Variants in PPP2R5E observed in about 807,000 individuals in gnomAD.
PPP2R5E encodes protein phosphatase 2 regulatory subunit B'epsilon.
Under a neutral mutation model 65.3 loss-of-function variants are expected in PPP2R5E, and 4 were observed. The observed-to-expected ratio is 0.06, with a 90% CI of 0.03 to 0.14. The LOEUF is 0.14. Ranked by LOEUF, PPP2R5E falls within the 10% of genes least tolerant of loss-of-function variation. The pLI is 1.00. For synonymous variants in PPP2R5E, 183 were observed against 187.4 expected (o/e 0.98, Z 0.19); for missense variants, 274 against 556.1 (o/e 0.49, Z 5.10).
In PPP2R5E at chr14:63,510,557, T is replaced by C. The variant is rs143549207; in HGVS notation, c.157+28972A>G. 5.0e-3 allele frequency among the ~76,000 whole-genome samples: 766 copies of C among 152,330 alleles called. 14 individuals carry two copies. In the South Asian group the frequency reaches 0.072, roughly 14 times the overall value. On this transcript the variant is annotated intron_variant, in intron 2 of 13. Transcript: ENST00000337537. ...ACAGCCTCTCTGAGAAGGTGACATA[T>C]AAACAGAGACCTTAAAGAAGTAAAG...
At chr14:63,432,999 C>T (rs186510537) in intron 3 of PPP2R5E, among the ~76,000 whole-genome samples, 1 of 147,150 alleles carries the variant, frequency 6.8e-6, no homozygotes, top group African/African-American at 2.7e-5. Context: ...TTAACCACAG[C>T]GCCACATACA....
chr14:63,498,804 T>C (rs7144300), intron 2 of PPP2R5E, among the ~76,000 whole-genome samples: 35,373 of 151,866 alleles, frequency 0.23, 5,096 homozygotes, highest in African/African-American at 0.42. Context: ...AGGGGTTCAT[T>C]TGGATAATCA....
At chr14:63,393,544 T>A (rs1307578974) in intron 8 of PPP2R5E, among the ~76,000 whole-genome samples, 3 of 152,018 alleles carry the variant, frequency 2.0e-5, no homozygotes, top group Non-Finnish European at 4.4e-5. Flanking sequence ...AAACCCCGTC[T>A]CTACTAAAAA....
chr14:63,461,763 C>G (rs1889477407), intron 2 of PPP2R5E, among the ~76,000 whole-genome samples: 2 of 151,808 alleles, frequency 1.3e-5, no homozygotes, highest in South Asian at 2.1e-4. Flanking sequence ...CTACTGTACT[C>G]CACCCTAGAT....
chr14:63,449,747 C>T (rs115986479), intron 3 of PPP2R5E, among the ~76,000 whole-genome samples: 41 of 135,978 alleles, frequency 3.0e-4, no homozygotes, highest in African/African-American at 1.1e-3. Flanking sequence ...CTTAGCACCA[C>T]ACAAAAATGG....
At chr14:63,389,131 ATTT>A (rs34751867) in intron 11 of PPP2R5E, among the ~76,000 whole-genome samples, 175 of 142,436 alleles carry the variant, frequency 1.2e-3, no homozygotes, top group African/African-American at 3.9e-3. Flanking sequence ...TCCAAGCCTC[ATTT>A]TTTTTTTTTT....
intron 4 of PPP2R5E, among the ~76,000 whole-genome samples, chr14:63,415,753 C>A (rs1886652279): frequency 6.6e-6 from 1 of 152,088 alleles, no homozygotes; most frequent in African/African-American, 2.4e-5. Flanking sequence ...ATGAATAATT[C>A]CATTATTCAT....
chr14:63,391,394 AGTTTTGCTTTGTTTT>A (rs1283655031), intron 10 of PPP2R5E, among the ~76,000 whole-genome samples: 20 of 149,102 alleles, frequency 1.3e-4, no homozygotes, highest in African/African-American at 3.8e-4. Context: ...GAGATGATGC[AGTTTTGCTTTGTTTT>A]GTTTTGTTTT....
rs1434518164 is a variant in PPP2R5E at position 63,374,391 on chromosome 14, T to C, written c.*1618A>G. On this transcript the variant is annotated 3_prime_UTR_variant, in exon 14 of 14. Coordinates refer to ENST00000337537, the MANE Select transcript of PPP2R5E (RefSeq NM_006246.5). ...TTTGCTACTATCACAATTCAACATATGAACACAGATCAGCTCTATACCATG... is the reference window on the plus strand; with the variant it reads ...TTTGCTACTATCACAATTCAACATACGAACACAGATCAGCTCTATACCATG... 6.6e-6 allele frequency: 1 copy of C among 151,890 alleles called. No homozygotes were observed. Among genetic ancestry groups the C allele is most frequent in the Non-Finnish European group, 1.5e-5 (1 of 67,944 alleles). 9.4% of individuals were successfully genotyped at this position (151,890 alleles called of 1,614,324 possible).
intron 2 of PPP2R5E, among the ~76,000 whole-genome samples, chr14:63,483,978 G>T (rs371664615): frequency 1.3e-5 from 2 of 151,944 alleles, no homozygotes; most frequent in African/African-American, 2.4e-5. Flanking sequence ...AGCTACTCAG[G>T]GGGGCTGAGG....
At chr14:63,382,788 G>A (rs569079275) in intron 12 of PPP2R5E, among the ~76,000 whole-genome samples, 50 of 152,220 alleles carry the variant, frequency 3.3e-4, no homozygotes, top group African/African-American at 1.2e-3. Flanking sequence ...TAATAGTAAA[G>A]CAATTTCACC....
At chr14:63,489,615 G>A (rs907489783) in intron 2 of PPP2R5E, among the ~76,000 whole-genome samples, 10 of 151,876 alleles carry the variant, frequency 6.6e-5, no homozygotes, top group Non-Finnish European at 1.0e-4. Context: ...TTGCCACATT[G>A]CCCAGGCTGG....
chr14:63,474,224 G>C (rs1028798136), intron 2 of PPP2R5E, among the ~76,000 whole-genome samples: 4 of 152,130 alleles, frequency 2.6e-5, no homozygotes, highest in Admixed American at 2.0e-4. Flanking sequence ...AACTACTCTG[G>C]GGGGAGAATA....
chr14:63,378,153 T>C (rs1338704482), intron 13 of PPP2R5E, among the ~76,000 whole-genome samples: 3 of 152,234 alleles, frequency 2.0e-5, no homozygotes, highest in Non-Finnish European at 4.4e-5. Flanking sequence ...TTTGGGTATA[T>C]ATAAATCAAT....
At chr14:63,496,124 G>A (rs1566743877) in intron 2 of PPP2R5E, among the ~76,000 whole-genome samples, 2 of 152,078 alleles carry the variant, frequency 1.3e-5, no homozygotes, top group Admixed American at 1.3e-4. Context: ...CATGCTTTGT[G>A]GATTATTCTG....
At chr14:63,477,863 T>G (rs1263266042) in intron 2 of PPP2R5E, among the ~76,000 whole-genome samples, 1 of 151,214 alleles carries the variant, frequency 6.6e-6, no homozygotes, top group Non-Finnish European at 1.5e-5. Flanking sequence ...AATTTAAATA[T>G]ATATATATAA....
intron 3 of PPP2R5E, among the ~76,000 whole-genome samples, chr14:63,445,611 G>C (rs1034649303): frequency 6.6e-6 from 1 of 152,132 alleles, no homozygotes; most frequent in Non-Finnish European, 1.5e-5. Flanking sequence ...TTGGGAAGCT[G>C]AGGCGGGCAG....
At chr14:63,452,149 T>C (rs1201957401) in intron 3 of PPP2R5E, 1 of 152,212 alleles carries the variant, frequency 6.6e-6, no homozygotes, top group African/African-American at 2.4e-5. Context: ...TATGTTTGCA[T>C]ATACTTATAT....
chr14:63,466,273 C>CAAAAAAA (rs550383242), intron 2 of PPP2R5E, among the ~76,000 whole-genome samples: 1 of 118,286 alleles, frequency 8.5e-6, no homozygotes. Flanking sequence ...TTTAAAAATA[C>CAAAAAAA]AAAAAAAAAA....
Sources: gnomAD v4.1 joint callset for allele counts (sites outside exome capture counted in the v4.1 genomes callset) on GRCh38, gnomAD v4.1.1 for gene constraint, MANE v1.5 for transcripts, NCBI Gene and HGNC (gene_info 2026-07-23, HGNC 2026-07-21) for gene names.